TMEM117: variants seen among roughly 807,000 people sequenced by gnomAD.
The protein encoded by TMEM117 is transmembrane protein 117.
TMEM117 carries 27 observed loss-of-function variants against 52.4 expected under a neutral mutation model. That is an observed-to-expected ratio of 0.51 (90% confidence interval 0.38 to 0.71). The LOEUF (loss-of-function observed/expected upper bound fraction) is 0.71. Among genes scored for constraint, TMEM117 ranks in the 30% least tolerant of loss-of-function variants. The probability of loss-of-function intolerance (pLI) is 0.00; values close to 1 mark genes in which losing one functional copy is unlikely to be tolerated. For missense variants in TMEM117, 556 were observed against 630.5 expected (o/e 0.88, Z 1.26); for synonymous variants, 215 against 206.3 (o/e 1.04, Z -0.36).
In TMEM117 at chr12:43,867,923, C is replaced by G. The variant is rs1472792099; in HGVS notation, c.277+22995C>G. On this transcript the variant is annotated intron_variant, in intron 2 of 7. Coordinates refer to ENST00000266534, the MANE Select transcript of TMEM117 (RefSeq NM_032256.3). ...AATTCTAGCACAAACACCTTGAGAT[C>G]TGATGTTCACAGAACATTACTCCAG... Among the ~76,000 whole-genome samples, 3 of 152,078 alleles carry G rather than the reference C, an allele frequency of 2.0e-5. No individual in the cohort carries two copies. In the East Asian group the frequency reaches 5.8e-4, roughly 29 times the overall value.
rs559722840 is a variant in TMEM117, at chr12:44,086,032, G to A, written c.411-57493G>A. ...AATTTAAGTATTCTCCTTTACCAAG[G>A]TTTCTTGCTATAAGTCATCTAAGGT... On this transcript the variant is annotated intron_variant, in intron 3 of 7. Coordinates refer to ENST00000266534, the MANE Select transcript of TMEM117 (RefSeq NM_032256.3). Among the ~76,000 whole-genome samples, 116 of 152,154 alleles carry A rather than the reference G, an allele frequency of 7.6e-4. 2 individuals carry two copies. Among genetic ancestry groups the A allele is most frequent in the African/African-American group, 2.6e-3 (106 of 41,524 alleles).
At chr12:43,983,091 C>T (rs1945787669) in intron 3 of TMEM117, among the ~76,000 whole-genome samples, 1 of 152,166 alleles carries the variant, frequency 6.6e-6, no homozygotes, top group South Asian at 2.1e-4. Flanking sequence ...TCAGGCTGGG[C>T]TTAGCTGGAT....
chr12:44,220,106 T>C (rs1949768620), intron 5 of TMEM117, among the ~76,000 whole-genome samples: 2 of 152,170 alleles, frequency 1.3e-5, no homozygotes, highest in Non-Finnish European at 2.9e-5. Context: ...AAGATACTAA[T>C]GTAGGTATCT....
chr12:44,238,281 T>C (rs1826226722), intron 5 of TMEM117, among the ~76,000 whole-genome samples: 1 of 152,122 alleles, frequency 6.6e-6, no homozygotes, highest in South Asian at 2.1e-4. Context: ...ATATTGTAAG[T>C]ACATAAGGAG....
chr12:43,881,036 C>T (rs1385699440), intron 2 of TMEM117, among the ~76,000 whole-genome samples: 1 of 152,158 alleles, frequency 6.6e-6, no homozygotes, highest in Non-Finnish European at 1.5e-5. Flanking sequence ...CAAGGAGATG[C>T]TTGTTAAATC....
chr12:44,244,442 A>C (rs985633178), intron 5 of TMEM117: 1 of 151,948 alleles, frequency 6.6e-6, no homozygotes, highest in Admixed American at 6.6e-5. Context: ...TAATCCAATA[A>C]TTTTTATTCT....
intron 4 of TMEM117, among the ~76,000 whole-genome samples, chr12:44,199,717 T>G (rs1949467946): frequency 6.6e-6 from 1 of 152,178 alleles, no homozygotes; most frequent in Admixed American, 6.5e-5. Context: ...TGGTGGCATA[T>G]TTTGCTGTAA....
At chr12:44,290,462 C>T (rs1279166651) in intron 5 of TMEM117, among the ~76,000 whole-genome samples, 1 of 152,090 alleles carries the variant, frequency 6.6e-6, no homozygotes, top group Non-Finnish European at 1.5e-5. Flanking sequence ...ATGCCATTCT[C>T]TTTGTATTCT....
intron 6 of TMEM117, among the ~76,000 whole-genome samples, chr12:44,342,239 GCT>G (rs1951427469): frequency 6.6e-6 from 1 of 152,072 alleles, no homozygotes; most frequent in Admixed American, 6.6e-5. Flanking sequence ...ATTTAGCTTT[GCT>G]CTCTACTTTT....
chr12:44,214,293 G>A (rs1050480794), intron 5 of TMEM117, among the ~76,000 whole-genome samples: 33 of 151,520 alleles, frequency 2.2e-4, no homozygotes, highest in Non-Finnish European at 3.4e-4. Flanking sequence ...TTACAGGCAC[G>A]TACCACCACG....
rs1950387469 is a variant in TMEM117 at position 44,267,101 on chromosome 12, G to A, written c.609-32479G>A. Among the ~76,000 whole-genome samples, 4 of 152,202 alleles carry A rather than the reference G, an allele frequency of 2.6e-5. No individual in the cohort carries two copies. The South Asian group carries it at 8.3e-4, about 31-fold the overall frequency. ...TTATATTGAATATGTATATCAATCT[G>A]AAGAGTATGTCCATCTTAACGGTGT... On this transcript the variant is annotated intron_variant, in intron 5 of 7. Coordinates refer to ENST00000266534, the MANE Select transcript of TMEM117 (RefSeq NM_032256.3).
intron 6 of TMEM117, among the ~76,000 whole-genome samples, chr12:44,374,706 T>C (rs1951917059): frequency 6.6e-6 from 1 of 151,356 alleles, no homozygotes; most frequent in Non-Finnish European, 1.5e-5. Flanking sequence ...CTCTAGAGAT[T>C]GCTTTCAAAC....
the TMEM117 span, chr12:43,796,842 G>A: frequency 3.9e-5 from 36 of 922,140 alleles, no homozygotes; most frequent in African/African-American, 2.4e-4. Context: ...GGCACTTAGA[G>A]GAGATCCTAA....
chr12:43,998,338 T>G (rs1565786257), intron 3 of TMEM117, among the ~76,000 whole-genome samples: 2 of 152,226 alleles, frequency 1.3e-5, no homozygotes, highest in African/African-American at 4.8e-5. Flanking sequence ...TAGTATATCT[T>G]TATCTATCCA....
chr12:44,301,409 A>G (rs1200552245), intron 6 of TMEM117, among the ~76,000 whole-genome samples: 1 of 152,152 alleles, frequency 6.6e-6, no homozygotes, highest in African/African-American at 2.4e-5. Flanking sequence ...TATCATAACA[A>G]TGTAAAATGT....
At chr12:44,306,022 G>A (rs1422434869) in intron 6 of TMEM117, among the ~76,000 whole-genome samples, 1 of 152,122 alleles carries the variant, frequency 6.6e-6, no homozygotes, top group Non-Finnish European at 1.5e-5. Context: ...TTAACAGAGG[G>A]ACAGAAAACC....
intron 6 of TMEM117, among the ~76,000 whole-genome samples, chr12:44,311,409 T>A (rs1950973325): frequency 6.6e-6 from 1 of 152,096 alleles, no homozygotes; most frequent in South Asian, 2.1e-4. Flanking sequence ...AAGTAGTTGT[T>A]TATAATCCCT....
intron 3 of TMEM117, among the ~76,000 whole-genome samples, chr12:43,948,792 T>C (rs1945174875): frequency 6.6e-6 from 1 of 152,164 alleles, no homozygotes; most frequent in Non-Finnish European, 1.5e-5. Context: ...CAGCTTGGTA[T>C]ACTCCTTTAA....
chr12:44,148,715 G>A (rs1003794681), intron 4 of TMEM117, among the ~76,000 whole-genome samples: 1 of 152,090 alleles, frequency 6.6e-6, no homozygotes, highest in African/African-American at 2.4e-5. Context: ...TTCTTGAGGG[G>A]AGTTACAATG....
Sources: gnomAD v4.1 joint callset for allele counts (sites outside exome capture counted in the v4.1 genomes callset) on GRCh38, gnomAD v4.1.1 for gene constraint, MANE v1.5 for transcripts, NCBI Gene and HGNC (gene_info 2026-07-23, HGNC 2026-07-21) for gene names.